BRD10: variants seen among roughly 807,000 people sequenced by gnomAD.
BRD10 encodes the protein bromodomain containing 10.
the BRD10 span, among the ~76,000 whole-genome samples, chr9:6,003,630 T>C: frequency 0.047 from 7,142 of 152,248 alleles, 441 homozygotes; most frequent in African/African-American, 0.14. Context: ...TTTCAAAATA[T>C]GTTACCGCCT....
the BRD10 span, chr9:5,967,931 C>T: frequency 2.5e-6 from 2 of 796,522 alleles, no homozygotes; most frequent in Non-Finnish European, 3.9e-6. Flanking sequence ...GCATTTTACT[C>T]TCTCAATCAA....
chr9:5,993,405 C>A, the BRD10 span, among the ~76,000 whole-genome samples: 3 of 150,948 alleles, frequency 2.0e-5, no homozygotes, highest in Non-Finnish European at 2.9e-5. Context: ...GCAACTTTAG[C>A]CCTAAGGGTC....
chr9:5,901,043 T>G, the BRD10 span, among the ~76,000 whole-genome samples: 1 of 152,144 alleles, frequency 6.6e-6, no homozygotes, highest in South Asian at 2.1e-4. Context: ...TATTTTAAAA[T>G]GTACACCCAG....
chr9:6,000,894 G>C, the BRD10 span, among the ~76,000 whole-genome samples: 1 of 152,104 alleles, frequency 6.6e-6, no homozygotes, highest in Admixed American at 6.5e-5. Flanking sequence ...ACTAGACTCT[G>C]TCCTGGGCAA....
chr9:5,936,002 T>C, the BRD10 span, among the ~76,000 whole-genome samples: 1 of 152,210 alleles, frequency 6.6e-6, no homozygotes, highest in Non-Finnish European at 1.5e-5. Flanking sequence ...ACGAGTTATT[T>C]TGTTAGTTTT....
chr9:5,969,637 G>A, the BRD10 span, among the ~76,000 whole-genome samples: 9 of 152,024 alleles, frequency 5.9e-5, no homozygotes, highest in African/African-American at 1.4e-4. Context: ...TCTGCCTCGC[G>A]GGTTCAAGCA....
the BRD10 span, among the ~76,000 whole-genome samples, chr9:6,008,437 A>T: frequency 1.3e-5 from 2 of 151,778 alleles, no homozygotes; most frequent in Non-Finnish European, 2.9e-5. Context: ...AGCTGTGGAG[A>T]GAAGCAAAGA....
chr9:5,930,891 A>C, the BRD10 span, among the ~76,000 whole-genome samples: 1 of 152,214 alleles, frequency 6.6e-6, no homozygotes, highest in Admixed American at 6.5e-5. Context: ...ACAGGAAGTA[A>C]CTTTCATCTA....
chr9:5,994,577 T>C, the BRD10 span, among the ~76,000 whole-genome samples: 1 of 152,206 alleles, frequency 6.6e-6, no homozygotes, highest in Non-Finnish European at 1.5e-5. Flanking sequence ...TGACTCTCAT[T>C]TGCTGTAACA....
the BRD10 span, among the ~76,000 whole-genome samples, chr9:5,897,307 T>A: frequency 6.6e-6 from 1 of 152,196 alleles, no homozygotes; most frequent in South Asian, 2.1e-4. Flanking sequence ...GGAACTTGGG[T>A]GCCTGGGCCA....
At chr9:6,008,432 T>G in the BRD10 span, among the ~76,000 whole-genome samples, 6 of 151,044 alleles carry the variant, frequency 4.0e-5, no homozygotes, top group Non-Finnish European at 8.9e-5. Flanking sequence ...GGAAGAGCTG[T>G]GGAGAGAAGC....
the BRD10 span, among the ~76,000 whole-genome samples, chr9:5,893,882 T>C: frequency 6.6e-6 from 1 of 151,490 alleles, no homozygotes; most frequent in Non-Finnish European, 1.5e-5. Context: ...GGGGCACACG[T>C]CACTTCTGCT....
chr9:5,920,630 T>C, the BRD10 span: 4 of 1,614,016 alleles, frequency 2.5e-6, no homozygotes, highest in South Asian at 1.1e-5. Flanking sequence ...CCCTGGTGAA[T>C]GGAACTGGAG....
At chr9:5,976,656 A>G in the BRD10 span, among the ~76,000 whole-genome samples, 1 of 152,224 alleles carries the variant, frequency 6.6e-6, no homozygotes, top group Non-Finnish European at 1.5e-5. Flanking sequence ...GCAGATTTCT[A>G]TTTTCAAAAT....
the BRD10 span, chr9:5,968,363 G>C: frequency 6.2e-7 from 1 of 1,610,520 alleles, no homozygotes; most frequent in African/African-American, 1.3e-5. Context: ...CTTTATTCTG[G>C]AAGCTTCACC....
the BRD10 span, among the ~76,000 whole-genome samples, chr9:5,888,602 G>A: frequency 2.6e-5 from 4 of 152,218 alleles, no homozygotes; most frequent in Admixed American, 6.5e-5. Context: ...GAATGTACAG[G>A]GCAGTGGTGG....
the BRD10 span, among the ~76,000 whole-genome samples, chr9:5,942,719 G>A: frequency 1.3e-5 from 2 of 152,056 alleles, no homozygotes; most frequent in Non-Finnish European, 2.9e-5. Flanking sequence ...TTTGAAGGGT[G>A]GAAAACATAT....
the BRD10 span, chr9:5,906,793 A>G: frequency 1.3e-6 from 1 of 748,748 alleles, no homozygotes; most frequent in Admixed American, 2.9e-5. Context: ...CTAGATTAAA[A>G]CTCATTCTTA....
the BRD10 span, among the ~76,000 whole-genome samples, chr9:5,999,703 C>G: frequency 6.6e-6 from 1 of 152,186 alleles, no homozygotes; most frequent in Non-Finnish European, 1.5e-5. Context: ...TAGCTACACA[C>G]AGTAGCTCTT....
Sources: gnomAD v4.1 joint callset for allele counts (sites outside exome capture counted in the v4.1 genomes callset) on GRCh38, gnomAD v4.1.1 for gene constraint, MANE v1.5 for transcripts, NCBI Gene and HGNC (gene_info 2026-07-23, HGNC 2026-07-21) for gene names.